Variants in SGCZ observed in about 807,000 individuals in gnomAD.
The protein encoded by SGCZ is zeta-sarcoglycan.
A neutral mutation model predicts 41.3 loss-of-function variants in SGCZ; 40 were observed. The observed-to-expected ratio is 0.97, with a 90% CI of 0.75 to 1.26. The LOEUF (loss-of-function observed/expected upper bound fraction) is 1.26, where lower values mean the gene tolerates loss of function less well. Among genes scored for constraint, SGCZ ranks in the 50% most tolerant of loss-of-function variants. The pLI is 0.00. For synonymous variants in SGCZ, 206 were observed against 137.5 expected (o/e 1.50, Z -3.49); for missense variants, 552 against 369.8 (o/e 1.49, Z -4.04).
At chr8:14,525,148 ATAGATAG>A (rs1585631219) in intron 2 of SGCZ, among the ~76,000 whole-genome samples, 2 of 8,856 alleles carry the variant, frequency 2.3e-4, no homozygotes, top group East Asian at 8.6e-3. Flanking sequence ...AGACACATAG[ATAGATAG>A]ATAGATAGAT....
At chr8:15,196,792 G>A (rs1405360296) in intron 1 of SGCZ, among the ~76,000 whole-genome samples, 1 of 152,156 alleles carries the variant, frequency 6.6e-6, no homozygotes, top group Non-Finnish European at 1.5e-5. Flanking sequence ...ATAATTCTAT[G>A]GGCTGCAGGG....
intron 4 of SGCZ, among the ~76,000 whole-genome samples, chr8:14,178,249 T>C (rs924023885): frequency 1.3e-5 from 2 of 152,298 alleles, no homozygotes; most frequent in Admixed American, 6.5e-5. Flanking sequence ...CCACCACACC[T>C]GGCTGATTTT....
intron 1 of SGCZ, among the ~76,000 whole-genome samples, chr8:15,226,881 G>A (rs1057203102): frequency 9.9e-5 from 15 of 152,184 alleles, no homozygotes; most frequent in Non-Finnish European, 1.6e-4. Flanking sequence ...TTGGATGTAC[G>A]GAATGATGAC....
At chr8:14,716,532 G>T (rs917937395) in intron 1 of SGCZ, among the ~76,000 whole-genome samples, 1 of 151,914 alleles carries the variant, frequency 6.6e-6, no homozygotes, top group Non-Finnish European at 1.5e-5. Flanking sequence ...GAATAAAGTC[G>T]TATTATTTAT....
chr8:14,710,955 A>C (rs981073030), intron 1 of SGCZ, among the ~76,000 whole-genome samples: 1 of 152,210 alleles, frequency 6.6e-6, no homozygotes, highest in Non-Finnish European at 1.5e-5. Flanking sequence ...CTTTAGAAGA[A>C]AGCAAGTAAG....
intron 1 of SGCZ, among the ~76,000 whole-genome samples, chr8:15,137,332 T>C (rs1480183511): frequency 6.6e-6 from 1 of 152,018 alleles, no homozygotes; most frequent in Non-Finnish European, 1.5e-5. Context: ...AGCCTGACAA[T>C]GCAATAAAAA....
At chr8:15,105,242 C>T (rs1035906578) in intron 1 of SGCZ, among the ~76,000 whole-genome samples, 3 of 152,136 alleles carry the variant, frequency 2.0e-5, no homozygotes, top group East Asian at 1.9e-4. Flanking sequence ...AGATCAAATA[C>T]GTTGCCAGTT....
intron 2 of SGCZ, among the ~76,000 whole-genome samples, chr8:14,512,233 C>G (rs1019009628): frequency 1.3e-5 from 2 of 152,046 alleles, no homozygotes; most frequent in African/African-American, 4.8e-5. Context: ...CGCTGAAGTG[C>G]CTATTAACAT....
At chr8:14,109,258 A>G (rs907749458) in intron 5 of SGCZ, among the ~76,000 whole-genome samples, 5 of 152,226 alleles carry the variant, frequency 3.3e-5, no homozygotes, top group African/African-American at 7.2e-5. Context: ...AGGATACTCT[A>G]TCTCAACTTT....
chr8:15,095,848 G>T (rs76128939), intron 1 of SGCZ, among the ~76,000 whole-genome samples: 1 of 151,968 alleles, frequency 6.6e-6, no homozygotes. Context: ...TTATGTTCCC[G>T]GTAAAACTCA....
At chr8:14,890,186 C>T (rs1804960422) in intron 1 of SGCZ, among the ~76,000 whole-genome samples, 2 of 151,272 alleles carry the variant, frequency 1.3e-5, no homozygotes, top group African/African-American at 2.4e-5. Flanking sequence ...CACTGCACTC[C>T]AGCCTGGGCG....
At chr8:15,009,656 C>T (rs1802758080) in intron 1 of SGCZ, among the ~76,000 whole-genome samples, 1 of 152,052 alleles carries the variant, frequency 6.6e-6, no homozygotes, top group Non-Finnish European at 1.5e-5. Context: ...GAGAATAAGT[C>T]CTAAGAAAGT....
intron 1 of SGCZ, among the ~76,000 whole-genome samples, chr8:14,794,438 A>G (rs546758984): frequency 6.6e-6 from 1 of 152,288 alleles, no homozygotes; most frequent in East Asian, 1.9e-4. Context: ...TTAAAGCTCA[A>G]TAGAATTCGA....
At chr8:14,110,788 C>T (rs961107666) in intron 5 of SGCZ, among the ~76,000 whole-genome samples, 5 of 152,054 alleles carry the variant, frequency 3.3e-5, no homozygotes, top group Admixed American at 1.3e-4. Flanking sequence ...CACAGTGGCT[C>T]GTGCCTGGAA....
intron 1 of SGCZ, among the ~76,000 whole-genome samples, chr8:14,578,513 A>G (rs896375848): frequency 5.3e-5 from 8 of 152,176 alleles, no homozygotes; most frequent in African/African-American, 1.4e-4. Flanking sequence ...TAGAATTTCA[A>G]CAGAGATTAT....
intron 1 of SGCZ, among the ~76,000 whole-genome samples, chr8:14,723,574 G>A (rs1050204722): frequency 6.6e-6 from 1 of 152,114 alleles, no homozygotes; most frequent in African/African-American, 2.4e-5. Flanking sequence ...CTCCCATTGA[G>A]AGGCTCTGAC....
intron 2 of SGCZ, among the ~76,000 whole-genome samples, chr8:14,382,607 G>T (rs1345767151): frequency 6.6e-6 from 1 of 152,116 alleles, no homozygotes; most frequent in Non-Finnish European, 1.5e-5. Context: ...TATTGGGGAC[G>T]TTCGAGAATA....
At chr8:14,793,380 G>C (rs1801020349) in intron 1 of SGCZ, among the ~76,000 whole-genome samples, 1 of 152,122 alleles carries the variant, frequency 6.6e-6, no homozygotes. Context: ...ACTGCACTAA[G>C]ATGGCACGTA....
chr8:14,995,641 G>A (rs1167966824), intron 1 of SGCZ, among the ~76,000 whole-genome samples: 1 of 152,112 alleles, frequency 6.6e-6, no homozygotes, highest in Non-Finnish European at 1.5e-5. Context: ...GAGAAAGGAG[G>A]CGTGTCCTTA....
Sources: gnomAD v4.1 joint callset for allele counts (sites outside exome capture counted in the v4.1 genomes callset) on GRCh38, gnomAD v4.1.1 for gene constraint, MANE v1.5 for transcripts, NCBI Gene and HGNC (gene_info 2026-07-23, HGNC 2026-07-21) for gene names.